LOXHD1: variants seen among roughly 807,000 people sequenced by gnomAD.
The protein encoded by LOXHD1 is lipoxygenase homology domain-containing protein 1.
A neutral mutation model predicts 248.2 loss-of-function variants in LOXHD1; 205 were observed. The observed-to-expected ratio is 0.83, with a 90% CI of 0.74 to 0.93. The LOEUF is 0.93. Ranked by LOEUF, LOXHD1 falls within the 40% of genes least tolerant of loss-of-function variation. The pLI is 0.00. For missense variants in LOXHD1, 2,930 were observed against 2,971.6 expected (o/e 0.99, Z 0.33); for synonymous variants, 1,113 against 1,162.8 (o/e 0.96, Z 0.87).
chr18:46,507,718 G>C lies in LOXHD1; in HGVS notation c.5518-6C>G, dbSNP rs1381742003. 2 of 1,547,068 alleles carry C rather than the reference G, an allele frequency of 1.3e-6. No homozygotes were observed. Among genetic ancestry groups the C allele is most frequent in the Non-Finnish European group, 8.7e-7 (1 of 1,143,316 alleles). On this transcript the variant is annotated splice_polypyrimidine_tract_variant and splice_region_variant and intron_variant, in intron 35 of 40. Transcript: ENST00000642948. ...TTCATGTTCTTCAGTAGGATCTGGG[G>C]GAGAGGGAGCCACCGTGGGAATGCC... is the stretch of plus-strand genomic sequence containing the variant.
At chr18:46,548,527 T>C (rs1420944359) in intron 21 of LOXHD1, among the ~76,000 whole-genome samples, 3 of 152,240 alleles carry the variant, frequency 2.0e-5, no homozygotes, top group Non-Finnish European at 4.4e-5. Flanking sequence ...AAGCTACCAT[T>C]AAATTAGTGT....
chr18:46,595,004 A>G (rs1309376932), intron 8 of LOXHD1, among the ~76,000 whole-genome samples: 1 of 152,248 alleles, frequency 6.6e-6, no homozygotes, highest in Non-Finnish European at 1.5e-5. Context: ...CTCCTGGCAC[A>G]CTACAGAATC....
At chr18:46,506,366 C>T (rs557947630) in intron 36 of LOXHD1, among the ~76,000 whole-genome samples, 1 of 152,320 alleles carries the variant, frequency 6.6e-6, no homozygotes, top group East Asian at 1.9e-4. Flanking sequence ...GAAACATAGG[C>T]TACCTCCTGC....
At chr18:46,615,874 T>C (rs1314350538) in intron 5 of LOXHD1, among the ~76,000 whole-genome samples, 1 of 152,240 alleles carries the variant, frequency 6.6e-6, no homozygotes, top group Non-Finnish European at 1.5e-5. Flanking sequence ...GAATATGTTG[T>C]TAAGTTTACA....
intron 2 of LOXHD1, among the ~76,000 whole-genome samples, chr18:46,648,592 G>A (rs995715673): frequency 3.9e-5 from 6 of 152,144 alleles, no homozygotes; most frequent in African/African-American, 1.4e-4. Flanking sequence ...ATGCAGTGGG[G>A]GGAAAGGATC....
At chr18:46,538,676 G>A (rs771861491) in intron 25 of LOXHD1, among the ~76,000 whole-genome samples, 5 of 152,202 alleles carry the variant, frequency 3.3e-5, no homozygotes, top group Admixed American at 6.5e-5. Flanking sequence ...TTGACCATTG[G>A]TGTAATCTGG....
chr18:46,621,389 C>T (rs1480198037), intron 4 of LOXHD1, among the ~76,000 whole-genome samples: 10 of 152,234 alleles, frequency 6.6e-5, no homozygotes, highest in Admixed American at 5.9e-4. Flanking sequence ...AGACTATCTA[C>T]TTTGCCATTT....
intron 21 of LOXHD1, among the ~76,000 whole-genome samples, chr18:46,554,511 C>T (rs2037239782): frequency 6.6e-6 from 1 of 152,150 alleles, no homozygotes; most frequent in Non-Finnish European, 1.5e-5. Context: ...TGTCTAGCTC[C>T]CACAGTAGGC....
intron 14 of LOXHD1, among the ~76,000 whole-genome samples, chr18:46,576,556 A>C (rs1177249735): frequency 1.3e-5 from 2 of 151,908 alleles, no homozygotes; most frequent in Non-Finnish European, 2.9e-5. Flanking sequence ...GCCCAGGTGC[A>C]CTTCCATCTC....
rs2034490557 is a variant in LOXHD1, at chr18:46,505,325, T to C, written c.5878+513A>G. ...GCCTCCAAGTAGATGGGACCACGGG[T>C]GCATGCCACCATGCCCAGCTATTCT... is the stretch of plus-strand genomic sequence containing the variant. On this transcript the variant is annotated intron_variant, in intron 37 of 40. Transcript: ENST00000642948. Among the ~76,000 whole-genome samples the C allele has an allele frequency of 2.0e-5, 3 of 151,962 alleles. No individual in the cohort carries two copies. The South Asian group carries it at 6.3e-4, about 32-fold the overall frequency.
chr18:46,614,254 A>G (rs889144468), intron 5 of LOXHD1, among the ~76,000 whole-genome samples: 3 of 152,214 alleles, frequency 2.0e-5, no homozygotes, highest in African/African-American at 7.2e-5. Flanking sequence ...ATGCTGCTAT[A>G]AAGACACATG....
chr18:46,587,586 A>G (rs1449862774), intron 12 of LOXHD1, among the ~76,000 whole-genome samples: 1 of 152,166 alleles, frequency 6.6e-6, no homozygotes. Context: ...ACAATTTAAA[A>G]TAGTTATATT....
Position 46,489,030 on chromosome 18 carries a change from C to G in LOXHD1, c.5991G>C (p.Gln1997His). 6.4e-7 allele frequency: 1 copy of G among 1,551,704 alleles called. No homozygotes were observed. The highest frequency in any genetic ancestry group is 8.7e-7 in the Non-Finnish European group (1 of 1,147,006). ...TGGCACAGGCAAAGTCGCGGACCGTCTGCCCGTCACCCTCACTCTTGGAGA... is the reference window on the plus strand; with the variant it reads ...TGGCACAGGCAAAGTCGCGGACCGTGTGCCCGTCACCCTCACTCTTGGAGA... ...CWLSKSEGDGQTVRDFACANN... is the reference protein window; with the variant it reads ...CWLSKSEGDGHTVRDFACANN... The change falls in exon 38 of 41, where the codon CAG becomes CAC. Residue 1997 changes from glutamine to histidine, a missense_variant. Gln to His is a conservative substitution (Grantham distance 24, BLOSUM62 0). Transcript: ENST00000642948.
chr18:46,495,146 G>A (rs1030792823), intron 37 of LOXHD1, among the ~76,000 whole-genome samples: 1 of 151,972 alleles, frequency 6.6e-6, no homozygotes, highest in Non-Finnish European at 1.5e-5. Context: ...GAGCCACCAC[G>A]CCCAGCCATG....
chr18:46,538,162 G>A lies in LOXHD1; in HGVS notation c.4089C>T (p.Ile1363=), dbSNP rs370376314. The A allele has an allele frequency of 1.1e-4, 176 of 1,531,646 alleles. No homozygotes were observed. Among genetic ancestry groups the A allele is most frequent in the Admixed American group, 1.8e-4 (9 of 50,702 alleles). The allele number at this position is 1,531,646 out of a possible 1,614,324, so 94.9% of individuals were successfully genotyped here. A position where few individuals can be genotyped will look rare whatever the true frequency, so the allele number is the denominator to read the frequency against. The change falls in exon 26 of 41, where the codon ATC becomes ATT. Residue 1363 remains isoleucine (I), a synonymous_variant. Transcript: ENST00000642948. ...FFERKSASRF[I]VELEDVGEII... ...GCCTGCTGAGCCCAAGTACCTCTAC[G>A]ATGAAGCGGGAGGCAGACTTCCTCT...
chr18:46,653,773 A>G (rs2039142866), intron 1 of LOXHD1, among the ~76,000 whole-genome samples: 1 of 152,278 alleles, frequency 6.6e-6, no homozygotes, highest in Admixed American at 6.5e-5. Flanking sequence ...CAAATGGTTT[A>G]CTAAGCTTCA....
In LOXHD1 at chr18:46,618,277, T is replaced by C; in HGVS notation, c.525A>G (p.Glu175=). 1 of 1,550,036 alleles carries C rather than the reference T, an allele frequency of 6.5e-7. No homozygotes were observed. The highest frequency in any genetic ancestry group is 8.7e-7 in the Non-Finnish European group (1 of 1,145,588). ...TTACATCACCAGTGTATACCTTGAC[T>C]TCATACTTATTACCTAGGAACAAGG... ...PMDMPRGNKY[E]VKVYTGDVIG... The change falls in exon 5 of 41, where the codon GAA becomes GAG. Residue 175 remains glutamate (E), a synonymous_variant. Coordinates refer to ENST00000642948, the MANE Select transcript of LOXHD1 (RefSeq NM_001384474.1).
chr18:46,632,112 C>T (rs1212032380), intron 4 of LOXHD1, among the ~76,000 whole-genome samples: 1 of 152,116 alleles, frequency 6.6e-6, no homozygotes, highest in Non-Finnish European at 1.5e-5. Flanking sequence ...CCCTGTGCAA[C>T]GTGGGGATAA....
At chr18:46,635,586 T>C (rs1369378569) in intron 4 of LOXHD1, among the ~76,000 whole-genome samples, 55 of 152,136 alleles carry the variant, frequency 3.6e-4, no homozygotes, top group Admixed American at 3.5e-3. Flanking sequence ...GCTGGTATTG[T>C]TTACCAGGGT....
Sources: allele counts gnomAD v4.1 joint callset (sites outside exome capture counted in the v4.1 genomes callset), GRCh38; gene constraint gnomAD v4.1.1; transcripts MANE v1.5; gene names NCBI Gene and HGNC (gene_info 2026-07-23, HGNC 2026-07-21).